Variants in ZPBP observed in about 807,000 individuals in gnomAD.
ZPBP encodes zona pellucida binding protein, also known as zona pellucida-binding protein 1.
A neutral mutation model predicts 44.8 loss-of-function variants in ZPBP; 26 were observed. The ratio of observed to expected loss-of-function variants is 0.58; its 90% CI spans 0.43 to 0.81. The LOEUF (loss-of-function observed/expected upper bound fraction) is 0.81, where lower values mean the gene tolerates loss of function less well. ZPBP is among the 30% of genes least tolerant of loss of function. The pLI is 0.00. For synonymous variants in ZPBP, 174 were observed against 153.2 expected (o/e 1.14, Z -1.00); for missense variants, 409 against 434.0 (o/e 0.94, Z 0.51).
intron 7 of ZPBP, among the ~76,000 whole-genome samples, chr7:49,959,174 C>T (rs1795739148): frequency 6.6e-6 from 1 of 150,976 alleles, no homozygotes; most frequent in Non-Finnish European, 1.5e-5. Context: ...ATTGCTTTTC[C>T]TCTAATATTG....
At chr7:49,867,106 G>T (rs983236886) in intron 2 of ZPBP, among the ~76,000 whole-genome samples, 1 of 152,160 alleles carries the variant, frequency 6.6e-6, no homozygotes, top group Non-Finnish European at 1.5e-5. Context: ...CTCCCTGGGG[G>T]TCCTGCAGCT....
At chr7:49,951,640 T>C (rs967591101) in intron 7 of ZPBP, among the ~76,000 whole-genome samples, 4 of 151,410 alleles carry the variant, frequency 2.6e-5, no homozygotes, top group African/African-American at 4.8e-5. Context: ...AAATGGTATA[T>C]GTCTTGTGAA....
intron 2 of ZPBP, among the ~76,000 whole-genome samples, chr7:49,852,859 A>G (rs1790238879): frequency 1.3e-5 from 2 of 152,310 alleles, no homozygotes; most frequent in Admixed American, 6.5e-5. Flanking sequence ...TCCTTGAACT[A>G]CAGTTGCAGA....
intron 1 of ZPBP, among the ~76,000 whole-genome samples, chr7:50,090,535 GTGTATATATGTGTGCATATATA>G (rs1562622417): frequency 6.6e-6 from 1 of 151,394 alleles, no homozygotes; most frequent in Non-Finnish European, 1.5e-5. Context: ...ATATATATGT[GTGTATATATGTGTGCATATATA>G]TGCATATATA....
intron 1 of ZPBP, among the ~76,000 whole-genome samples, chr7:49,911,486 A>AT (rs1347463340): frequency 6.7e-6 from 1 of 149,860 alleles, no homozygotes; most frequent in Non-Finnish European, 1.5e-5. Flanking sequence ...GTCTCAAAAA[A>AT]AAAAAAAAAA....
chr7:49,972,414 G>C (rs1414252741), intron 7 of ZPBP, among the ~76,000 whole-genome samples: 1 of 151,834 alleles, frequency 6.6e-6, no homozygotes, highest in Admixed American at 6.6e-5. Context: ...AAATCAACTT[G>C]CAACAACAGC....
chr7:50,079,774 A>G (rs990430178), intron 3 of ZPBP, among the ~76,000 whole-genome samples: 3 of 151,758 alleles, frequency 2.0e-5, no homozygotes, highest in Non-Finnish European at 3.0e-5. Context: ...GATGTAGGAA[A>G]GCTGAACACA....
At chr7:49,900,567 C>A (rs1415391999) in intron 2 of ZPBP, among the ~76,000 whole-genome samples, 1 of 151,660 alleles carries the variant, frequency 6.6e-6, no homozygotes, top group East Asian at 1.9e-4. Flanking sequence ...ATGAAATGAA[C>A]CAATTCCTTG....
intron 7 of ZPBP, among the ~76,000 whole-genome samples, chr7:49,952,238 AAAAAT>A (rs1224225325): frequency 1.3e-5 from 2 of 152,018 alleles, no homozygotes; most frequent in African/African-American, 4.8e-5. Context: ...ACTCAATTAA[AAAAAT>A]AAAGAGAGCT....
In ZPBP at chr7:49,927,962, T is replaced by C. The variant is rs190296881; in HGVS notation, n.411+7789A>G. On this transcript the variant is annotated intron_variant and non_coding_transcript_variant, in intron 1 of 2. Coordinates refer to the ZPBP transcript ENST00000465922. ...CGATATGAACACAGCATTGCCCCTC[T>C]CATGATGAACTTGATCCAATGTAAT... Among the ~76,000 whole-genome samples, 69 of 152,316 alleles carry C rather than the reference T, an allele frequency of 4.5e-4. 1 individual carries two copies. Among genetic ancestry groups the C allele is most frequent in the African/African-American group, 1.7e-3 (69 of 41,568 alleles).
rs147759670 is a variant in ZPBP at position 49,939,527 on chromosome 7, C to T, written c.962-1905G>A. ...GTACAAAATTAGCCAACTCTTTAAA[C>T]AAAGAGACAAAGAAGGATTTGTGAC... is the stretch of plus-strand genomic sequence containing the variant. On this transcript the variant is annotated intron_variant, in intron 7 of 7. Coordinates refer to ENST00000046087, the MANE Select transcript of ZPBP (RefSeq NM_007009.3). 4.9e-4 allele frequency among the ~76,000 whole-genome samples: 75 copies of T among 151,582 alleles called. No homozygotes were observed. The East Asian group carries it at 0.013, about 25-fold the overall frequency.
chr7:50,063,869 T>C (rs1801370877), intron 3 of ZPBP, among the ~76,000 whole-genome samples: 1 of 152,238 alleles, frequency 6.6e-6, no homozygotes, highest in South Asian at 2.1e-4. Flanking sequence ...TTTCATTGGT[T>C]ATAATTTCAA....
intron 7 of ZPBP, among the ~76,000 whole-genome samples, chr7:49,950,216 CAT>C (rs1418853304): frequency 6.6e-6 from 1 of 151,848 alleles, no homozygotes; most frequent in Non-Finnish European, 1.5e-5. Flanking sequence ...AAATTTCACA[CAT>C]GTGGTCTACA....
intron 5 of ZPBP, among the ~76,000 whole-genome samples, chr7:50,023,807 C>T (rs1317754905): frequency 6.6e-6 from 1 of 151,918 alleles, no homozygotes; most frequent in African/African-American, 2.4e-5. Flanking sequence ...GAAATGGAAA[C>T]TCTAAGAATC....
At chr7:50,081,624 T>C (rs1225029111) in intron 3 of ZPBP, 150 bp downstream of exon 3, 14 of 929,682 alleles carry the variant, frequency 1.5e-5, no homozygotes, top group Non-Finnish European at 2.3e-5. Flanking sequence ...GGGAACACTA[T>C]CTACATTGTT....
intron 2 of ZPBP, among the ~76,000 whole-genome samples, chr7:49,897,117 G>A (rs1297762943): frequency 2.6e-5 from 4 of 151,612 alleles, no homozygotes; most frequent in Admixed American, 6.6e-5. Context: ...GGATGGTCTC[G>A]ATCTCCTGAC....
At chr7:49,953,449 TCAAAAGG>T (rs1795438462) in intron 7 of ZPBP, among the ~76,000 whole-genome samples, 1 of 152,042 alleles carries the variant, frequency 6.6e-6, no homozygotes, top group Non-Finnish European at 1.5e-5. Flanking sequence ...AACTCAAAAT[TCAAAAGG>T]CACTGGGTAA....
chr7:50,069,459 A>T (rs1801718683), intron 3 of ZPBP, among the ~76,000 whole-genome samples: 1 of 152,182 alleles, frequency 6.6e-6, no homozygotes, highest in Non-Finnish European at 1.5e-5. Flanking sequence ...GCATTCATTT[A>T]GTCATGAGTC....
At chr7:50,075,480 G>GT (rs1178966163) in intron 3 of ZPBP, among the ~76,000 whole-genome samples, 2 of 151,886 alleles carry the variant, frequency 1.3e-5, no homozygotes, top group Admixed American at 6.6e-5. Context: ...CAAAAAGTTG[G>GT]TTTTTTGAAG....
Sources: gnomAD v4.1 joint callset for allele counts (sites outside exome capture counted in the v4.1 genomes callset) on GRCh38, gnomAD v4.1.1 for gene constraint, MANE v1.5 for transcripts, NCBI Gene and HGNC (gene_info 2026-07-23, HGNC 2026-07-21) for gene names.